WASF1: variants seen among roughly 807,000 people sequenced by gnomAD.
WASF1 encodes WASP family member 1, also known as actin-binding protein WASF1.
In WASF1, 7 loss-of-function variants were observed where a neutral mutation model predicts 50.5. That is an observed-to-expected ratio of 0.14 (90% confidence interval 0.08 to 0.26). WASF1 has a LOEUF of 0.26. Ranked by LOEUF, WASF1 falls within the 10% of genes least tolerant of loss-of-function variation. The pLI, the probability that WASF1 is intolerant of heterozygous loss-of-function variation, is 1.00. For synonymous variants in WASF1, 205 were observed against 244.0 expected (o/e 0.84, Z 1.49); for missense variants, 470 against 694.7 (o/e 0.68, Z 3.64).
chr6:110,144,276 T>A (rs1478173786), intron 3 of WASF1, among the ~76,000 whole-genome samples: 1 of 152,264 alleles, frequency 6.6e-6, no homozygotes, highest in Non-Finnish European at 1.5e-5. Flanking sequence ...GAGAAGTGTC[T>A]GTTCATATCC....
intron 2 of WASF1, among the ~76,000 whole-genome samples, chr6:110,162,345 CG>C (rs1197802745): frequency 6.7e-6 from 1 of 150,124 alleles, no homozygotes; most frequent in Non-Finnish European, 1.5e-5. Context: ...ACGCAGACAA[CG>C]TATTTCTTGC....
At chr6:110,167,129 G>A (rs544689051) in intron 2 of WASF1, among the ~76,000 whole-genome samples, 18 of 150,970 alleles carry the variant, frequency 1.2e-4, no homozygotes, top group African/African-American at 3.9e-4. Context: ...ATAATGCAAA[G>A]CATTACTCAC....
intron 2 of WASF1, among the ~76,000 whole-genome samples, chr6:110,165,587 G>A (rs1776442194): frequency 6.6e-6 from 1 of 151,578 alleles, no homozygotes; most frequent in South Asian, 2.1e-4. Context: ...CCTCTCCTTT[G>A]AATTCATCTA....
chr6:110,171,287 A>T (rs1453472011), intron 2 of WASF1, among the ~76,000 whole-genome samples: 1 of 152,198 alleles, frequency 6.6e-6, no homozygotes, highest in Non-Finnish European at 1.5e-5. Flanking sequence ...GATAGATGGG[A>T]AAATCTCAAA....
chr6:110,148,035 C>A (rs1422454305), intron 3 of WASF1, among the ~76,000 whole-genome samples: 2 of 152,196 alleles, frequency 1.3e-5, no homozygotes, highest in Non-Finnish European at 2.9e-5. Context: ...ACATGAGCCA[C>A]TGCACCCAAC....
At chr6:110,142,972 A>AC (rs1400972493) in intron 3 of WASF1, among the ~76,000 whole-genome samples, 2 of 150,670 alleles carry the variant, frequency 1.3e-5, no homozygotes, top group African/African-American at 2.4e-5. Flanking sequence ...AAAAAAAAAA[A>AC]ACTAAAGCAA....
intron 4 of WASF1, among the ~76,000 whole-genome samples, chr6:110,126,057 C>A (rs1774402286): frequency 6.6e-6 from 1 of 152,018 alleles, no homozygotes. Flanking sequence ...ATATGTTATA[C>A]AAAATTACTA....
rs773659539 is a variant in WASF1 at position 110,101,801 on chromosome 6, T to C, written c.1309A>G (p.Ile437Val). ...ACTGTGACAGGTGATGATGGTCGAA[T>C]GCCAGGTGGAGGCAGAGGAGGCGGT... ...PPPPPLPPPGIRPSSPVTVTA... is the reference protein window; with the variant it reads ...PPPPPLPPPGVRPSSPVTVTA... The change falls in exon 10 of 11, where the codon ATT becomes GTT. Residue 437 changes from isoleucine (I) to valine (V), a missense_variant. Ile to Val is a conservative substitution (Grantham distance 29, BLOSUM62 3). Coordinates refer to ENST00000392589, the MANE Select transcript of WASF1 (RefSeq NM_003931.3). 11 of 1,614,096 alleles carry C rather than the reference T, an allele frequency of 6.8e-6. No individual in the cohort carries two copies. The highest frequency in any genetic ancestry group is 9.3e-6 in the Non-Finnish European group (11 of 1,179,986).
chr6:110,123,372 C>T (rs922077034), intron 4 of WASF1, among the ~76,000 whole-genome samples: 1 of 151,972 alleles, frequency 6.6e-6, no homozygotes, highest in Non-Finnish European at 1.5e-5. Context: ...CACTGTATTC[C>T]TCTAGTTGTG....
At chr6:110,143,683 T>C (rs953777264) in intron 3 of WASF1, among the ~76,000 whole-genome samples, 5 of 152,186 alleles carry the variant, frequency 3.3e-5, no homozygotes, top group Non-Finnish European at 7.4e-5. Context: ...AATTGCTTTA[T>C]GGGTTATACA....
rs187040919 is a variant in WASF1 at position 110,100,725 on chromosome 6, T to C, written c.1523-46A>G. On this transcript the variant is annotated intron_variant, in intron 10 of 10. Coordinates refer to ENST00000392589, the MANE Select transcript of WASF1 (RefSeq NM_003931.3). ...CATTCATTTAAATCAAAATACTAGA[T>C]ACTAGATATTATTAATATTTCTGGA... 6.1e-6 allele frequency: 9 copies of C among 1,467,138 alleles called. No individual in the cohort carries two copies. The East Asian group carries it at 1.8e-4, about 29-fold the overall frequency. The allele number at this position is 1,467,138 out of a possible 1,614,324, so 90.9% of individuals were successfully genotyped here. A position where few individuals can be genotyped will look rare whatever the true frequency, so the allele number is the denominator to read the frequency against.
At chr6:110,148,820 A>T (rs1775695781) in intron 3 of WASF1, among the ~76,000 whole-genome samples, 1 of 152,216 alleles carries the variant, frequency 6.6e-6, no homozygotes, top group South Asian at 2.1e-4. Flanking sequence ...GATGGTAGTC[A>T]CTTGGACTAT....
At chr6:110,135,721 CTTTTTTTT>C (rs139834112) in intron 3 of WASF1, among the ~76,000 whole-genome samples, 5 of 73,538 alleles carry the variant, frequency 6.8e-5, no homozygotes, top group Non-Finnish European at 1.3e-4. Flanking sequence ...GGAAGATTAT[CTTTTTTTT>C]TTTTTTTTTT....
At chr6:110,144,001 T>C (rs1583992923) in intron 3 of WASF1, among the ~76,000 whole-genome samples, 1 of 152,196 alleles carries the variant, frequency 6.6e-6, no homozygotes, top group Non-Finnish European at 1.5e-5. Context: ...CTGGGTCAAA[T>C]GGTATTTCTA....
Position 110,101,893 on chromosome 6 carries a change from A to G in WASF1, c.1217T>C (p.Val406Ala), listed in dbSNP as rs1773107378. 2 of 1,613,338 alleles carry G rather than the reference A, an allele frequency of 1.2e-6. No individual in the cohort carries two copies. Among genetic ancestry groups the G allele is most frequent in the African/African-American group, 1.3e-5 (1 of 74,892 alleles). ...TGGATGAACTGGTACAGTCTCACAT[A>G]CTGGGGCAGCTCTAGCTACTGGTGG... ...PSPPVARAAP[V>A]CETVPVHPLP... The change falls in exon 10 of 11, where the codon GTA (valine) becomes GCA (alanine). Residue 406 changes from valine (V) to alanine (A), a missense_variant. By Grantham distance (64) the Val-to-Ala change is moderately conservative (BLOSUM62 0). Transcript: ENST00000392589.
Position 110,102,115 on chromosome 6 carries a change from G to A in WASF1, c.995C>T (p.Pro332Leu), listed in dbSNP as rs202159153. Residue 332 changes from proline to leucine, a missense_variant, in exon 10 of 11, where the codon CCA (proline) becomes CTA (leucine). Physicochemically the swap from Pro to Leu is moderately conservative, Grantham distance 98. Transcript: ENST00000392589. ...PTPPPPPPPL[P>L]SALSTSSLRA... ...TAATGAGGAAGTTGACAAGGCAGAT[G>A]GAAGAGGTGGTGGAGGAGGTGGGGG... The A allele has an allele frequency of 2.7e-6, 4 of 1,493,350 alleles. No individual in the cohort carries two copies. Among genetic ancestry groups the A allele is most frequent in the Non-Finnish European group, 3.6e-6 (4 of 1,121,820 alleles). 92.5% of individuals were successfully genotyped at this position (1,493,350 alleles called of 1,614,324 possible).
At chr6:110,132,984 A>C (rs1164411888) in intron 3 of WASF1, among the ~76,000 whole-genome samples, 2 of 147,264 alleles carry the variant, frequency 1.4e-5, no homozygotes, top group Non-Finnish European at 3.0e-5. Flanking sequence ...ACACACACAC[A>C]CACCATGGAA....
chr6:110,161,011 TA>T (rs1404144032), intron 2 of WASF1, among the ~76,000 whole-genome samples: 6 of 151,296 alleles, frequency 4.0e-5, no homozygotes, highest in Non-Finnish European at 8.9e-5. Context: ...ATTTTTTCAT[TA>T]AAAAAAACTT....
intron 5 of WASF1, among the ~76,000 whole-genome samples, chr6:110,110,179 A>G (rs769125595): frequency 1.5e-4 from 23 of 152,248 alleles, no homozygotes; most frequent in Admixed American, 3.3e-4. Flanking sequence ...TAATCTTTAC[A>G]ATTCAGTAAG....
Sources: gnomAD v4.1 joint callset for allele counts (sites outside exome capture counted in the v4.1 genomes callset) on GRCh38, gnomAD v4.1.1 for gene constraint, MANE v1.5 for transcripts, NCBI Gene and HGNC (gene_info 2026-07-23, HGNC 2026-07-21) for gene names.